The following CIRSR variants were observed in gnomAD, a reference collection of about 807,000 sequenced individuals.
The protein encoded by CIRSR is corepressor of RBPJ and splicing regulator.
the CIRSR span, among the ~76,000 whole-genome samples, chr2:174,384,870 T>C: frequency 6.6e-6 from 1 of 152,240 alleles, no homozygotes; most frequent in Admixed American, 6.5e-5. Context: ...ACATAGATTT[T>C]TTTGACATCC....
the CIRSR span, among the ~76,000 whole-genome samples, chr2:174,354,340 T>C: frequency 7.5e-6 from 1 of 133,748 alleles, no homozygotes; most frequent in East Asian, 2.1e-4. Flanking sequence ...ATATAAGAAA[T>C]TGTCTTTTTA....
the CIRSR span, among the ~76,000 whole-genome samples, chr2:174,365,013 T>C: frequency 4.5e-4 from 68 of 152,352 alleles, no homozygotes; most frequent in African/African-American, 1.6e-3. Flanking sequence ...TTTATCATAT[T>C]GTCAGGCTGC....
the CIRSR span, among the ~76,000 whole-genome samples, chr2:174,394,658 T>A: frequency 9.9e-5 from 15 of 152,242 alleles, no homozygotes; most frequent in South Asian, 2.9e-3. Context: ...CTTAGGAAGG[T>A]AACAGTGAAA....
chr2:174,376,245 T>C, the CIRSR span, among the ~76,000 whole-genome samples: 1 of 152,148 alleles, frequency 6.6e-6, no homozygotes, highest in Non-Finnish European at 1.5e-5. Context: ...TCTCATCTTC[T>C]CCCACCCAGG....
chr2:174,388,380 T>C, the CIRSR span, among the ~76,000 whole-genome samples: 3 of 152,152 alleles, frequency 2.0e-5, no homozygotes. Context: ...TTTGTATTTT[T>C]AGTAGAGAAG....
chr2:174,354,756 TTA>T, the CIRSR span, among the ~76,000 whole-genome samples: 10 of 91,208 alleles, frequency 1.1e-4, no homozygotes, highest in East Asian at 1.4e-3. Context: ...TGTATATATA[TTA>T]TATATATATA....
chr2:174,387,839 C>T, the CIRSR span: 10 of 1,424,726 alleles, frequency 7.0e-6, no homozygotes, highest in Non-Finnish European at 9.5e-6. Flanking sequence ...ACAAACTTTG[C>T]TTTTCTTGTA....
the CIRSR span, among the ~76,000 whole-genome samples, chr2:174,391,114 G>A: frequency 6.6e-6 from 1 of 152,098 alleles, no homozygotes; most frequent in East Asian, 1.9e-4. Flanking sequence ...ATCTCATACT[G>A]TATAAATGGG....
At chr2:174,356,526 A>AGGAAGGAAGGAAGGAAGGAAGGAAG in the CIRSR span, among the ~76,000 whole-genome samples, 70 of 133,362 alleles carry the variant, frequency 5.2e-4, 1 homozygote, top group East Asian at 1.5e-3. Context: ...AAAGAAAGAA[A>AGGAAGGAAGGAAGGAAGGAAGGAAG]GAAGAAAGGA....
chr2:174,389,567 A>C, the CIRSR span, among the ~76,000 whole-genome samples: 2 of 152,228 alleles, frequency 1.3e-5, no homozygotes, highest in African/African-American at 4.8e-5. Context: ...AATAGAGAAG[A>C]AAACCCTATT....
chr2:174,371,316 T>C, the CIRSR span, among the ~76,000 whole-genome samples: 2 of 152,228 alleles, frequency 1.3e-5, no homozygotes, highest in South Asian at 2.1e-4. Flanking sequence ...ACAAACTTGC[T>C]GTTGATATAT....
chr2:174,394,005 T>C, the CIRSR span, among the ~76,000 whole-genome samples: 1 of 152,132 alleles, frequency 6.6e-6, no homozygotes, highest in Admixed American at 6.5e-5. Flanking sequence ...CTGGGAAAAG[T>C]ATAAAACAGA....
the CIRSR span, among the ~76,000 whole-genome samples, chr2:174,386,048 C>T: frequency 6.6e-6 from 1 of 152,106 alleles, no homozygotes; most frequent in East Asian, 1.9e-4. Context: ...TAAACATGAA[C>T]ACTGTGATCT....
chr2:174,395,574 C>T, the CIRSR span: 1 of 1,614,204 alleles, frequency 6.2e-7, no homozygotes. Flanking sequence ...GATTTGGAGG[C>T]AGGATGAAAG....
chr2:174,378,927 G>A, the CIRSR span: 4 of 1,606,650 alleles, frequency 2.5e-6, no homozygotes, highest in Non-Finnish European at 2.6e-6. Context: ...GCCTACCTGA[G>A]CCATCAGTGG....
At chr2:174,370,853 G>A in the CIRSR span, among the ~76,000 whole-genome samples, 1 of 150,742 alleles carries the variant, frequency 6.6e-6, no homozygotes, top group African/African-American at 2.4e-5. Context: ...GGAGCTTGCA[G>A]TGAGCCAAGA....
At chr2:174,394,016 T>C in the CIRSR span, among the ~76,000 whole-genome samples, 2 of 152,138 alleles carry the variant, frequency 1.3e-5, no homozygotes, top group Non-Finnish European at 2.9e-5. Flanking sequence ...ATAAAACAGA[T>C]CAAAGAGGCC....
the CIRSR span, among the ~76,000 whole-genome samples, chr2:174,383,719 C>CAAAAAAAAAAAAAAAAA: frequency 1.2e-5 from 1 of 83,160 alleles, no homozygotes. Flanking sequence ...GACTCCGTCT[C>CAAAAAAAAAAAAAAAAA]AAAAAAAAAA....
the CIRSR span, among the ~76,000 whole-genome samples, chr2:174,363,295 C>T: frequency 6.6e-6 from 1 of 152,174 alleles, no homozygotes; most frequent in Non-Finnish European, 1.5e-5. Flanking sequence ...AATGAAAGAA[C>T]TGCAAGGCTC....
Sources: gnomAD v4.1 joint callset for allele counts (sites outside exome capture counted in the v4.1 genomes callset) on GRCh38, gnomAD v4.1.1 for gene constraint, MANE v1.5 for transcripts, NCBI Gene and HGNC (gene_info 2026-07-23, HGNC 2026-07-21) for gene names.